GPR174: variants seen among roughly 807,000 people sequenced by gnomAD.
GPR174 encodes the protein G protein-coupled receptor 174.
A neutral mutation model predicts 16.5 loss-of-function variants in GPR174; 8 were observed. That is an observed-to-expected ratio of 0.48 (90% confidence interval 0.28 to 0.87). GPR174 has a LOEUF of 0.87. Ranked by LOEUF, GPR174 falls within the 40% of genes least tolerant of loss-of-function variation. The pLI, the probability that GPR174 is intolerant of heterozygous loss-of-function variation, is 0.09. For synonymous variants in GPR174, 111 were observed against 94.8 expected (o/e 1.17, Z -0.99); for missense variants, 214 against 247.5 (o/e 0.86, Z 0.91).
At chrX:79,147,084 G>A (rs1217633382) in intron 1 of GPR174, among the ~76,000 whole-genome samples, 1 of 111,743 alleles carries the variant, frequency 8.9e-6, no homozygotes, top group Non-Finnish European at 1.9e-5. Context: ...AACAGATTCA[G>A]CCCTTGTCAC....
At position 79,171,517 on chromosome X, in the gene GPR174, G is replaced by T. The variant is rs764045619; in HGVS notation, c.510G>T (p.Val170=). 3.3e-6 allele frequency: 4 copies of T among 1,211,434 alleles called. No individual in the cohort carries two copies. Among genetic ancestry groups the T allele is most frequent in the Non-Finnish European group, 4.5e-6 (4 of 895,430 alleles). Residue 170 remains valine, a synonymous_variant, in exon 3 of 3, where the codon GTG becomes GTT. Coordinates refer to ENST00000645147, the MANE Select transcript of GPR174 (RefSeq NM_032553.3). The stretch of plus-strand genomic sequence containing the variant: ...CTGGCAATAGGACCAAATGCTTTGT[G>T]GATCTTCCTACCAGGAATGTCAACC... The part of the protein sequence containing the change: ...DTSGNRTKCF[V]DLPTRNVNLA...
intron 2 of GPR174, among the ~76,000 whole-genome samples, chrX:79,167,583 C>T (rs1455400748): frequency 9.1e-6 from 1 of 110,457 alleles, no homozygotes; most frequent in Non-Finnish European, 1.9e-5. Flanking sequence ...GCCCTATTCT[C>T]CACAATATGG....
chrX:79,148,804 G>A (rs897239478), intron 1 of GPR174, among the ~76,000 whole-genome samples: 1 of 111,837 alleles, frequency 8.9e-6, no homozygotes, highest in Non-Finnish European at 1.9e-5. Flanking sequence ...CCCTGCACTT[G>A]GCCCCAATGA....
At chrX:79,151,646 G>C (rs1454155857) in intron 1 of GPR174, among the ~76,000 whole-genome samples, 1 of 111,753 alleles carries the variant, frequency 8.9e-6, no homozygotes, top group East Asian at 2.8e-4. Flanking sequence ...AAAACAGGCT[G>C]TCCTTTTATT....
At chrX:79,158,536 C>T (rs775714586) in intron 2 of GPR174, among the ~76,000 whole-genome samples, 3 of 104,344 alleles carry the variant, frequency 2.9e-5, no homozygotes, top group South Asian at 8.9e-4. Flanking sequence ...CTCCACCTCC[C>T]GGGTTCAAAC....
chrX:79,172,264 C>G lies in GPR174; in HGVS notation c.*255C>G, dbSNP rs1921537603. 2.9e-6 allele frequency: 1 copy of G among 343,072 alleles called. No individual in the cohort carries two copies. Among genetic ancestry groups the G allele is most frequent in the Admixed American group, 5.4e-5 (1 of 18,467 alleles). The allele number at this position is 343,072 out of a possible 1,213,427, so 28.3% of individuals were successfully genotyped here. On this transcript the variant is annotated 3_prime_UTR_variant, in exon 3 of 3. Transcript: ENST00000645147. ...TTAAAATATCAAATTTCTGTGACAT[C>G]CTATAAACATATGCACTCAACTGTA...
intron 1 of GPR174, among the ~76,000 whole-genome samples, chrX:79,148,159 G>A (rs762460728): frequency 8.1e-5 from 9 of 111,542 alleles, no homozygotes; most frequent in East Asian, 2.8e-4. Context: ...TGGGTCATGC[G>A]GAAGCATGAC....
intron 1 of GPR174, among the ~76,000 whole-genome samples, chrX:79,149,122 T>A (rs1038899867): frequency 8.9e-6 from 1 of 111,942 alleles, no homozygotes; most frequent in Non-Finnish European, 1.9e-5. Flanking sequence ...TCTATTTTTT[T>A]AAATTTACAT....
At chrX:79,164,063 G>A (rs775410334) in intron 2 of GPR174, among the ~76,000 whole-genome samples, 14 of 111,389 alleles carry the variant, frequency 1.3e-4, no homozygotes, top group Admixed American at 6.7e-4. Context: ...TTTGATGTTC[G>A]ATATTTCATA....
In GPR174 at chrX:79,173,608, T is replaced by C. The variant is rs1240923875; in HGVS notation, c.*1599T>C. On this transcript the variant is annotated 3_prime_UTR_variant, in exon 3 of 3. Transcript: ENST00000645147. ...TACTAATACATTAGGGGAAAACTGG[T>C]GACATCAAAATGAATTCTAATATCT... 8.9e-6 allele frequency: 1 copy of C among 112,086 alleles called. No homozygotes were observed. Among genetic ancestry groups the C allele is most frequent in the Non-Finnish European group, 1.9e-5 (1 of 53,181 alleles). 9.2% of individuals were successfully genotyped at this position (112,086 alleles called of 1,213,427 possible). A position where few individuals can be genotyped will look rare whatever the true frequency, so the allele number is the denominator to read the frequency against.
intron 1 of GPR174, among the ~76,000 whole-genome samples, chrX:79,155,655 A>C (rs1921078736): frequency 9.5e-6 from 1 of 105,661 alleles, no homozygotes; most frequent in African/African-American, 3.3e-5. Context: ...TTATTATTTT[A>C]TTCATTTTAC....
intron 2 of GPR174, among the ~76,000 whole-genome samples, chrX:79,160,729 C>T (rs113846089): frequency 9.0e-6 from 1 of 111,523 alleles, no homozygotes; most frequent in Non-Finnish European, 1.9e-5. Flanking sequence ...ATAGGCAAAA[C>T]ACAAGTTAAA....
rs1455511100 is a variant in GPR174 at position 79,145,022 on chromosome X, CTTT to C, written c.-848_-846del. 2 of 52,787 alleles carry C rather than the reference CTTT, an allele frequency of 3.8e-5. No homozygotes were observed. The allele number at this position is 52,787 out of a possible 1,213,427, so 4.4% of individuals were successfully genotyped here. A position where few individuals can be genotyped will look rare whatever the true frequency, so the allele number is the denominator to read the frequency against. ...TCTCTCTCTCTTTCTTTCTTTCTTTCTTTCTTTCTTTCTTTCTTTCTTTCTTTC... is the reference window on the plus strand; with the variant it reads ...TCTCTCTCTCTTTCTTTCTTTCTTTCCTTTCTTTCTTTCTTTCTTTCTTTC... On this transcript the variant is annotated 5_prime_UTR_variant, in exon 1 of 3. Coordinates refer to ENST00000645147, the MANE Select transcript of GPR174 (RefSeq NM_032553.3).
Position 79,173,315 on chromosome X carries a change from A to C in GPR174, c.*1306A>C, listed in dbSNP as rs938660426. ...TAATTTGGTCAGCCTTTGGCAACCA[A>C]TGGCCAATGACTTGCCTACTACCTG... On this transcript the variant is annotated 3_prime_UTR_variant, in exon 3 of 3. Transcript: ENST00000645147. The C allele has an allele frequency of 8.9e-6, 1 of 112,104 alleles. No homozygotes were observed. Among genetic ancestry groups the C allele is most frequent in the Non-Finnish European group, 1.9e-5 (1 of 53,203 alleles). 9.2% of individuals were successfully genotyped at this position (112,104 alleles called of 1,213,427 possible). A position where few individuals can be genotyped will look rare whatever the true frequency, so the allele number is the denominator to read the frequency against.
intron 2 of GPR174, among the ~76,000 whole-genome samples, chrX:79,165,323 A>T (rs1210291783): frequency 2.0e-5 from 2 of 101,685 alleles, no homozygotes; most frequent in East Asian, 6.0e-4. Context: ...AAAAAAAAAA[A>T]GCTGATATAG....
intron 1 of GPR174, among the ~76,000 whole-genome samples, 155 bp from the exon 2 acceptor site, chrX:79,156,667 G>A (rs1602338309): frequency 1.8e-5 from 2 of 111,664 alleles, no homozygotes; most frequent in East Asian, 2.8e-4. Context: ...ACTCTACTTC[G>A]CTACCACTAA....
At chrX:79,149,282 TA>T (rs1417865041) in intron 1 of GPR174, among the ~76,000 whole-genome samples, 2 of 112,363 alleles carry the variant, frequency 1.8e-5, no homozygotes, top group Non-Finnish European at 3.8e-5. Flanking sequence ...GTCCAGTTTT[TA>T]TTGGGATCTG....
At chrX:79,165,372 A>T (rs753241003) in intron 2 of GPR174, among the ~76,000 whole-genome samples, 1 of 109,512 alleles carries the variant, frequency 9.1e-6, no homozygotes, top group South Asian at 4.0e-4. Flanking sequence ...AAGCTTTGGG[A>T]TCTACTGGGA....
At chrX:79,147,862 C>T (rs1002196721) in intron 1 of GPR174, among the ~76,000 whole-genome samples, 2 of 111,545 alleles carry the variant, frequency 1.8e-5, no homozygotes, top group African/African-American at 6.5e-5. Flanking sequence ...GTCATATAAC[C>T]GAGTGCTATC....
Sources: allele counts gnomAD v4.1 joint callset (sites outside exome capture counted in the v4.1 genomes callset), GRCh38; gene constraint gnomAD v4.1.1; transcripts MANE v1.5; gene names NCBI Gene and HGNC (gene_info 2026-07-23, HGNC 2026-07-21).